Variants in UBE2W observed in about 807,000 individuals in gnomAD.
UBE2W encodes ubiquitin conjugating enzyme E2 W.
In UBE2W, 18 loss-of-function variants were observed where a neutral mutation model predicts 27.2. That is an observed-to-expected ratio of 0.66 (90% confidence interval 0.46 to 0.98). The LOEUF is 0.98. Ranked by LOEUF, UBE2W falls within the 50% of genes least tolerant of loss-of-function variation. UBE2W has a pLI of 0.00. For missense variants in UBE2W, 90 were observed against 180.2 expected, an observed-to-expected ratio of 0.50 and a Z score of 2.87; for synonymous variants, 53 against 57.2, an observed-to-expected ratio of 0.93 and a Z score of 0.33.
chr8:73,835,966 C>T (rs1435938271), intron 1 of UBE2W, among the ~76,000 whole-genome samples: 1 of 152,160 alleles, frequency 6.6e-6, no homozygotes, highest in African/African-American at 2.4e-5. Context: ...TAGCCAGTAC[C>T]TTACCTGCAA....
chr8:73,805,454 C>CAAAAAAAAAACA (rs1808835390), intron 5 of UBE2W, among the ~76,000 whole-genome samples, 197 bp downstream of exon 5: 2 of 14,580 alleles, frequency 1.4e-4, no homozygotes, highest in Non-Finnish European at 2.6e-4. Flanking sequence ...AACTCCATCT[C>CAAAAAAAAAACA]AAAAAAAAAA....
chr8:73,780,265 G>A (rs1274903050), exon 5 of UBE2W: 1 of 193,632 alleles, frequency 5.2e-6, no homozygotes, highest in African/African-American at 2.3e-5. Flanking sequence ...CTGGCTTGTT[G>A]ATACATCACC....
In UBE2W at chr8:73,786,700, C is replaced by G; in HGVS notation, c.*7402G>C. The G allele has an allele frequency of 1.0e-6, 1 of 985,340 alleles. No individual in the cohort carries two copies. The allele number at this position is 985,340 out of a possible 1,614,324, so 61.0% of individuals were successfully genotyped here. A position where few individuals can be genotyped will look rare whatever the true frequency, so the allele number is the denominator to read the frequency against. ...AGGTTTGTGGACAGCTGAAGAGCAG[C>G]CTAGGGACACCAAGGCCAGGTAGTG... On this transcript the variant is annotated 3_prime_UTR_variant, in exon 6 of 6. Transcript: ENST00000602593.
chr8:73,877,581 G>GA (rs201358991), intron 1 of UBE2W, among the ~76,000 whole-genome samples: 28 of 149,874 alleles, frequency 1.9e-4, no homozygotes, highest in African/African-American at 5.6e-4. Context: ...GCAGAGTAAA[G>GA]AAAAAAAAAT....
At position 73,787,946 on chromosome 8, in the gene UBE2W, A is replaced by G; in HGVS notation, c.*6156T>C. On this transcript the variant is annotated 3_prime_UTR_variant, in exon 6 of 6. Coordinates refer to ENST00000602593, the MANE Select transcript of UBE2W (RefSeq NM_018299.6). ...TACATAAAGGTGATGTGTTAAATAG[A>G]TGGTTTAAGTGACTATCTTCATTCT... 1 of 984,106 alleles carries G rather than the reference A, an allele frequency of 1.0e-6. No individual in the cohort carries two copies. Among genetic ancestry groups the G allele is most frequent in the Non-Finnish European group, 1.2e-6 (1 of 829,860 alleles). The allele number at this position is 984,106 out of a possible 1,614,324, so 61.0% of individuals were successfully genotyped here. A position where few individuals can be genotyped will look rare whatever the true frequency, so the allele number is the denominator to read the frequency against.
chr8:73,849,405 T>TG (rs1810970419), intron 1 of UBE2W, among the ~76,000 whole-genome samples: 1 of 148,050 alleles, frequency 6.8e-6, no homozygotes, highest in African/African-American at 2.5e-5. Flanking sequence ...CCAGCTACTT[T>TG]GGAGGCTGAG....
At chr8:73,822,617 A>T (rs948985012) in intron 3 of UBE2W, among the ~76,000 whole-genome samples, 1 of 145,834 alleles carries the variant, frequency 6.9e-6, no homozygotes, top group Admixed American at 6.8e-5. Context: ...AAAAAAAAAA[A>T]AAAAAAAAAA....
At chr8:73,812,151 G>C (rs960714779) in intron 3 of UBE2W, among the ~76,000 whole-genome samples, 1 of 149,598 alleles carries the variant, frequency 6.7e-6, no homozygotes, top group Admixed American at 6.7e-5. Context: ...CCAAAGGAAC[G>C]ATTTTCCATA....
chr8:73,818,851 C>T (rs1431321347), intron 3 of UBE2W, among the ~76,000 whole-genome samples: 4 of 152,184 alleles, frequency 2.6e-5, no homozygotes, highest in Admixed American at 6.5e-5. Context: ...TGATGGTAAG[C>T]GTCCTGAGGC....
chr8:73,877,754 C>G (rs1004859828), intron 1 of UBE2W, among the ~76,000 whole-genome samples: 1 of 152,298 alleles, frequency 6.6e-6, no homozygotes, highest in African/African-American at 2.4e-5. Flanking sequence ...TTTGATACCG[C>G]TAGTCTTCAC....
downstream of UBE2W, among the ~76,000 whole-genome samples, chr8:73,782,231 GC>G (rs1433105945): frequency 6.6e-6 from 1 of 151,974 alleles, no homozygotes; most frequent in Non-Finnish European, 1.5e-5. Flanking sequence ...ACAGGCATGA[GC>G]CACTGTGCCT....
chr8:73,856,130 G>A (rs1324696983), intron 1 of UBE2W, among the ~76,000 whole-genome samples: 2 of 151,844 alleles, frequency 1.3e-5, no homozygotes, highest in Admixed American at 6.6e-5. Flanking sequence ...TAATAAATTT[G>A]GTTTTAGTAC....
chr8:73,839,262 T>C (rs1810431422), intron 1 of UBE2W, among the ~76,000 whole-genome samples: 1 of 151,472 alleles, frequency 6.6e-6, no homozygotes, highest in Admixed American at 6.6e-5. Context: ...GGAACATTAC[T>C]GTTTAGAATG....
intron 1 of UBE2W, among the ~76,000 whole-genome samples, chr8:73,841,292 T>A (rs1810524855): frequency 1.3e-5 from 2 of 149,702 alleles, no homozygotes; most frequent in African/African-American, 2.5e-5. Flanking sequence ...AAATTTACTA[T>A]TTTTTTTTTA....
chr8:73,786,851 G>C lies in UBE2W; in HGVS notation c.*7251C>G. 1.0e-6 allele frequency: 1 copy of C among 985,408 alleles called. No individual in the cohort carries two copies. Among genetic ancestry groups the C allele is most frequent in the Non-Finnish European group, 1.2e-6 (1 of 829,920 alleles). The allele number at this position is 985,408 out of a possible 1,614,324, so 61.0% of individuals were successfully genotyped here. The stretch of plus-strand genomic sequence containing the variant: ...TGAGTATCATTGCTTGATTAAGTTG[G>C]ATGGGAATGTCATTAAATTATAACA... On this transcript the variant is annotated 3_prime_UTR_variant, in exon 6 of 6. Coordinates refer to ENST00000602593, the MANE Select transcript of UBE2W (RefSeq NM_018299.6).
intron 1 of UBE2W, among the ~76,000 whole-genome samples, chr8:73,851,957 T>G (rs1414811087): frequency 1.4e-5 from 2 of 145,200 alleles, no homozygotes; most frequent in Non-Finnish European, 3.0e-5. Context: ...CTCTTTTTTT[T>G]TTTTTTAAAA....
rs770661521 is a variant in UBE2W at position 73,859,520 on chromosome 8, C to T, written c.15+19288G>A. 2.6e-5 allele frequency among the ~76,000 whole-genome samples: 4 copies of T among 152,102 alleles called. No homozygotes were observed. The East Asian group carries it at 5.8e-4, about 22-fold the overall frequency. ...TTAATGAATAGTAAATATATTTTCG[C>T]TCATGATTTTCTTAATAACATTTTT... On this transcript the variant is annotated intron_variant, in intron 1 of 5. Coordinates refer to ENST00000602593, the MANE Select transcript of UBE2W (RefSeq NM_018299.6).
chr8:73,862,144 T>C (rs553882449), intron 1 of UBE2W, among the ~76,000 whole-genome samples: 1 of 152,286 alleles, frequency 6.6e-6, no homozygotes, highest in East Asian at 1.9e-4. Context: ...TAAAATTACC[T>C]GAAGGCCAGG....
chr8:73,850,740 A>C (rs55923764), intron 1 of UBE2W, among the ~76,000 whole-genome samples: 4,254 of 150,192 alleles, frequency 0.028, 188 homozygotes, highest in African/African-American at 0.095. Flanking sequence ...AAAAAAAAAA[A>C]AAAAAAAAAA....
Sources: gnomAD v4.1 joint callset for allele counts (sites outside exome capture counted in the v4.1 genomes callset) on GRCh38, gnomAD v4.1.1 for gene constraint, MANE v1.5 for transcripts, NCBI Gene and HGNC (gene_info 2026-07-23, HGNC 2026-07-21) for gene names.